Variants in RASSF4 observed in about 807,000 individuals in gnomAD.
The protein encoded by RASSF4 is Ras association domain family member 4, also known as ras association domain-containing protein 4.
Under a neutral mutation model 41.1 loss-of-function variants are expected in RASSF4, and 38 were observed. The ratio of observed to expected loss-of-function variants is 0.92; its 90% CI spans 0.71 to 1.21. The LOEUF (loss-of-function observed/expected upper bound fraction) is 1.21, where lower values mean the gene tolerates loss of function less well. Ranked by LOEUF, RASSF4 falls within the 50% of genes most tolerant of loss-of-function variation. RASSF4 has a pLI of 0.00. For synonymous variants in RASSF4, 179 were observed against 163.4 expected, an observed-to-expected ratio of 1.10 and a Z score of -0.73; for missense variants, 414 against 419.4, an observed-to-expected ratio of 0.99 and a Z score of 0.11.
At chr10:44,993,223 G>A in intron 10 of RASSF4, 46 bp from the exon 11 acceptor site, 1 of 1,574,910 alleles carries the variant, frequency 6.3e-7, no homozygotes, top group Non-Finnish European at 8.7e-7. Flanking sequence ...CCACCTCCCT[G>A]CCCTGTCTGG....
At chr10:44,960,084 T>C (rs894775124) in intron 1 of RASSF4, among the ~76,000 whole-genome samples, 2 of 152,220 alleles carry the variant, frequency 1.3e-5, no homozygotes, top group African/African-American at 4.8e-5. Context: ...ATTTAGGGGC[T>C]ACAACCTGAG....
intron 6 of RASSF4, among the ~76,000 whole-genome samples, chr10:44,988,030 G>A (rs1419130200): frequency 2.0e-5 from 3 of 152,172 alleles, no homozygotes; most frequent in Non-Finnish European, 4.4e-5. Context: ...TGGGAAAACA[G>A]AGCTAGGATC....
At position 44,995,664 on chromosome 10, in the gene RASSF4, T is replaced by A. The variant is rs938874665; in HGVS notation, c.*2335T>A. ...AATCAGCTGAGGAGTTCACACCTTT[T>A]TTTCTAAATCAACATCATATTTGCT... On this transcript the variant is annotated 3_prime_UTR_variant, in exon 11 of 11. Coordinates refer to ENST00000340258, the MANE Select transcript of RASSF4 (RefSeq NM_032023.4). The A allele has an allele frequency of 6.6e-6, 1 of 152,216 alleles. No homozygotes were observed. Among genetic ancestry groups the A allele is most frequent in the Non-Finnish European group, 1.5e-5 (1 of 68,042 alleles). 9.4% of individuals were successfully genotyped at this position (152,216 alleles called of 1,614,324 possible).
chr10:44,962,869 G>A (rs1022846788), intron 1 of RASSF4, among the ~76,000 whole-genome samples: 3 of 152,154 alleles, frequency 2.0e-5, no homozygotes, highest in Non-Finnish European at 2.9e-5. Context: ...AAATTGCTTT[G>A]CCTTGAAACA....
Position 44,982,642 on chromosome 10 carries a change from C to T in RASSF4, c.260C>T (p.Pro87Leu), listed in dbSNP as rs561232384. The T allele has an allele frequency of 6.2e-7, 1 of 1,613,292 alleles. No homozygotes were observed. The highest frequency in any genetic ancestry group is 1.1e-5 in the South Asian group (1 of 91,026). ...CACCTCCCCTCCACCTCATGGATGC[C>T]CAGACGGCCTAGCTGCCCTCTGTGA... is the stretch of plus-strand genomic sequence containing the variant. ...QVHLPSTSWM[P>L]RRPSCPLKEP... Residue 87 changes from proline to leucine, a missense_variant, in exon 4 of 11, where the codon CCC (proline) becomes CTC (leucine). Physicochemically the swap from Pro to Leu is moderately conservative, Grantham distance 98. Coordinates refer to ENST00000340258, the MANE Select transcript of RASSF4 (RefSeq NM_032023.4).
chr10:44,981,703 G>C (rs2098487976), intron 3 of RASSF4: 1 of 152,240 alleles, frequency 6.6e-6, no homozygotes, highest in Admixed American at 6.5e-5. Flanking sequence ...ACCGGGATTG[G>C]CACAGAGGCC....
At chr10:44,983,490 C>T in intron 4 of RASSF4, 1 of 172,400 alleles carries the variant, frequency 5.8e-6, no homozygotes, top group South Asian at 1.4e-4. Context: ...GTGTATTCTC[C>T]AGGATCCCAT....
intron 3 of RASSF4, among the ~76,000 whole-genome samples, chr10:44,979,982 C>G (rs967701551): frequency 6.6e-6 from 1 of 152,044 alleles, no homozygotes; most frequent in African/African-American, 2.4e-5. Flanking sequence ...GAGAGGCAGC[C>G]CCTGGGAAGC....
At chr10:44,978,127 C>T (rs1841534682) in intron 3 of RASSF4, 3 of 1,421,334 alleles carry the variant, frequency 2.1e-6, no homozygotes, top group South Asian at 2.6e-5. Context: ...CACCACACTC[C>T]TCTGGGGCTG....
At chr10:44,989,165 G>T in intron 6 of RASSF4, 109 bp from the exon 7 acceptor site, 1 of 672,792 alleles carries the variant, frequency 1.5e-6, no homozygotes, top group Non-Finnish European at 2.7e-6. Context: ...ACAGGTGCAG[G>T]TGTTCCCAGA....
intron 4 of RASSF4, chr10:44,983,183 A>C: frequency 2.9e-6 from 1 of 340,086 alleles, no homozygotes; most frequent in Non-Finnish European, 5.8e-6. Context: ...TCCTCGGCCC[A>C]CTCCCAAAAG....
At chr10:44,977,853 G>C (rs2132783893) in intron 3 of RASSF4, 1 of 1,609,848 alleles carries the variant, frequency 6.2e-7, no homozygotes, top group East Asian at 2.2e-5. Context: ...GGTTGGCCCT[G>C]GGCCGTGGCC....
At chr10:44,974,589 C>G (rs1841318206) in intron 3 of RASSF4, among the ~76,000 whole-genome samples, 1 of 150,576 alleles carries the variant, frequency 6.6e-6, no homozygotes, top group Admixed American at 6.6e-5. Context: ...GGGCTCACCA[C>G]CCGGGGCGCG....
chr10:44,986,467 G>A (rs1268565438), intron 6 of RASSF4, among the ~76,000 whole-genome samples: 1 of 152,194 alleles, frequency 6.6e-6, no homozygotes, highest in African/African-American at 2.4e-5. Flanking sequence ...CAGACAACAT[G>A]GGGTCTCAGC....
At chr10:44,973,631 C>G (rs1841273552) in intron 3 of RASSF4, among the ~76,000 whole-genome samples, 1 of 152,226 alleles carries the variant, frequency 6.6e-6, no homozygotes, top group African/African-American at 2.4e-5. Context: ...AAGGAGCCCT[C>G]CAGGGCATTC....
intron 3 of RASSF4, among the ~76,000 whole-genome samples, chr10:44,974,471 C>T (rs1841310615): frequency 6.6e-6 from 1 of 152,246 alleles, no homozygotes; most frequent in Admixed American, 6.5e-5. Context: ...ATACCGTTTC[C>T]ATTAGGCTTT....
At chr10:44,962,604 G>C (rs1461338563) in intron 1 of RASSF4, among the ~76,000 whole-genome samples, 1 of 152,342 alleles carries the variant, frequency 6.6e-6, no homozygotes, top group Non-Finnish European at 1.5e-5. Flanking sequence ...CAGGCACCCA[G>C]AGGGGTCTGC....
At chr10:44,961,413 G>A (rs560590261) in intron 1 of RASSF4, among the ~76,000 whole-genome samples, 3 of 152,334 alleles carry the variant, frequency 2.0e-5, no homozygotes, top group African/African-American at 7.2e-5. Context: ...TCAGATTCTG[G>A]ACGTGCAAAG....
At chr10:44,978,807 T>C (rs761013677) in intron 3 of RASSF4, 1 of 152,204 alleles carries the variant, frequency 6.6e-6, no homozygotes, top group Non-Finnish European at 1.5e-5. Flanking sequence ...CCCTGAGCAG[T>C]GTGAAGAACC....
Sources: gnomAD v4.1 joint callset for allele counts (sites outside exome capture counted in the v4.1 genomes callset) on GRCh38, gnomAD v4.1.1 for gene constraint, MANE v1.5 for transcripts, NCBI Gene and HGNC (gene_info 2026-07-23, HGNC 2026-07-21) for gene names.